The following GGA2 variants were observed in gnomAD, a reference collection of about 807,000 sequenced individuals.
The protein encoded by GGA2 is ADP-ribosylation factor-binding protein GGA2.
Under a neutral mutation model 79.5 loss-of-function variants are expected in GGA2, and 48 were observed. That is an observed-to-expected ratio of 0.60 (90% CI 0.48 to 0.77). GGA2 has a LOEUF of 0.77. Ranked by LOEUF, GGA2 falls within the 30% of genes least tolerant of loss-of-function variation. The pLI is 0.00. For missense variants in GGA2, 770 were observed against 774.0 expected (o/e 0.99, Z 0.06); for synonymous variants, 317 against 302.0 (o/e 1.05, Z -0.51).
At chr16:23,493,491 G>A in intron 3 of GGA2, 33 bp from the exon 4 acceptor site, 2 of 1,362,428 alleles carry the variant, frequency 1.5e-6, no homozygotes, top group Non-Finnish European at 2.1e-6. Context: ...GGAGAAGGTG[G>A]AAAGCCAGTG....
chr16:23,523,519 G>A (rs1254185528), upstream of GGA2: 1 of 152,276 alleles, frequency 6.6e-6, no homozygotes, highest in African/African-American at 2.4e-5. Context: ...ACCCTTGGCA[G>A]TGGAGTCACA....
At chr16:23,508,114 G>A (rs915299141) in intron 1 of GGA2, among the ~76,000 whole-genome samples, 1 of 150,630 alleles carries the variant, frequency 6.6e-6, no homozygotes, top group African/African-American at 2.4e-5. Context: ...CTAGGCTGGA[G>A]TGCAGCGGTG....
intron 7 of GGA2, 111 bp downstream of exon 7, chr16:23,486,599 C>G: frequency 1.3e-6 from 1 of 771,770 alleles, no homozygotes; most frequent in Non-Finnish European, 2.4e-6. Flanking sequence ...CTAGGAGCCA[C>G]TCTTTCTCCC....
chr16:23,492,692 C>T (rs546346979), intron 4 of GGA2, among the ~76,000 whole-genome samples: 14 of 152,056 alleles, frequency 9.2e-5, no homozygotes, highest in East Asian at 3.9e-4. Flanking sequence ...TTCCTGTGTA[C>T]GTGAATCATT....
chr16:23,479,580 C>G (rs1596980670), intron 11 of GGA2, among the ~76,000 whole-genome samples, 185 bp downstream of exon 11: 1 of 152,196 alleles, frequency 6.6e-6, no homozygotes, highest in East Asian at 1.9e-4. Context: ...AGCTCACTCC[C>G]CTACTCACAC....
intron 9 of GGA2, 102 bp downstream of exon 9, chr16:23,482,821 G>T (rs560983063): frequency 3.8e-6 from 3 of 781,728 alleles, no homozygotes; most frequent in Middle Eastern, 2.3e-4. Context: ...CCACGGAACC[G>T]AAAGTCCACT....
intron 14 of GGA2, among the ~76,000 whole-genome samples, chr16:23,474,140 T>C (rs1365247581): frequency 6.6e-6 from 1 of 152,206 alleles, no homozygotes; most frequent in Non-Finnish European, 1.5e-5. Context: ...GGAGGATCCC[T>C]AGAGAAGGAG....
chr16:23,513,651 G>C (rs1398720984), upstream of GGA2, among the ~76,000 whole-genome samples: 1 of 151,792 alleles, frequency 6.6e-6, no homozygotes, highest in Non-Finnish European at 1.5e-5. Flanking sequence ...TGGGTGTGCT[G>C]GTGTGTACTT....
chr16:23,504,906 G>A (rs1964957568), intron 1 of GGA2, among the ~76,000 whole-genome samples: 1 of 152,172 alleles, frequency 6.6e-6, no homozygotes, highest in African/African-American at 2.4e-5. Context: ...AAACAGCTGA[G>A]ACCTCCGGCT....
intron 1 of GGA2, 143 bp downstream of exon 1, chr16:23,510,177 TC>T: frequency 2.5e-6 from 1 of 404,418 alleles, no homozygotes. Context: ...TGGGCGATCT[TC>T]CCCACCGCGC....
At chr16:23,478,833 G>A in intron 12 of GGA2, 50 bp downstream of exon 12, 1 of 1,354,566 alleles carries the variant, frequency 7.4e-7, no homozygotes, top group Non-Finnish European at 1.1e-6. Flanking sequence ...ACAAGGGCAG[G>A]TCTGAGACCC....
intron 14 of GGA2, 148 bp downstream of exon 14, chr16:23,474,755 AC>A: frequency 1.5e-6 from 1 of 647,942 alleles, no homozygotes; most frequent in South Asian, 1.8e-5. Context: ...CCTGGCCACA[AC>A]CTCTTACTTT....
chr16:23,464,073 T>C lies in GGA2; in HGVS notation c.*3517A>G, dbSNP rs975527188. 4 of 152,218 alleles carry C rather than the reference T, an allele frequency of 2.6e-5. No homozygotes were observed. Among genetic ancestry groups the C allele is most frequent in the Admixed American group, 2.0e-4 (3 of 15,276 alleles). The allele number at this position is 152,218 out of a possible 1,614,324, so 9.4% of individuals were successfully genotyped here. On this transcript the variant is annotated 3_prime_UTR_variant, in exon 17 of 17. Transcript: ENST00000309859. ...TTAATATTGTAGTAGGCAAGCACTA[T>C]TTGTATTCTAGAATATTGCCCTTGC...
chr16:23,481,295 C>T (rs1277397621), intron 9 of GGA2, among the ~76,000 whole-genome samples: 1 of 152,122 alleles, frequency 6.6e-6, no homozygotes, highest in Non-Finnish European at 1.5e-5. Context: ...ATTGCTTAAA[C>T]CCAGGAGACG....
intron 1 of GGA2, among the ~76,000 whole-genome samples, chr16:23,496,890 G>A (rs1189305822): frequency 4.0e-5 from 6 of 151,600 alleles, no homozygotes; most frequent in Non-Finnish European, 7.4e-5. Context: ...CCCAGGAGGT[G>A]GAGGTTGCAG....
At chr16:23,511,055 G>C (rs1015270267), upstream of GGA2, among the ~76,000 whole-genome samples, 1 of 140,088 alleles carries the variant, frequency 7.1e-6, no homozygotes. Flanking sequence ...GTGTGTTAGA[G>C]ACTGGGTTTC....
chr16:23,494,423 AACTAACCC>A, intron 2 of GGA2, 45 bp from the exon 3 acceptor site: 1 of 1,246,226 alleles, frequency 8.0e-7, no homozygotes, highest in Non-Finnish European at 1.2e-6. Context: ...GGCAAAAAGA[AACTAACCC>A]GAGTGGCTGA....
intron 11 of GGA2, 27 bp from the exon 12 acceptor site, chr16:23,478,938 C>T (rs761943784): frequency 1.3e-6 from 2 of 1,531,136 alleles, no homozygotes; most frequent in Non-Finnish European, 1.8e-6. Context: ...GAGTGAGATG[C>T]CTAACAGTAA....
At chr16:23,523,688 AC>A (rs1965177458), upstream of GGA2, 1 of 152,200 alleles carries the variant, frequency 6.6e-6, no homozygotes, top group South Asian at 2.1e-4. Flanking sequence ...CTAAATTCTT[AC>A]GTTGAGAAAC....
Sources: gnomAD v4.1 joint callset for allele counts (sites outside exome capture counted in the v4.1 genomes callset) on GRCh38, gnomAD v4.1.1 for gene constraint, MANE v1.5 for transcripts, NCBI Gene and HGNC (gene_info 2026-07-23, HGNC 2026-07-21) for gene names.